The following GALNT7 variants were observed in gnomAD, a reference collection of about 807,000 sequenced individuals.
The protein encoded by GALNT7 is polypeptide N-acetylgalactosaminyltransferase 7.
Under a neutral mutation model 82.1 loss-of-function variants are expected in GALNT7, and 60 were observed. The ratio of observed to expected loss-of-function variants is 0.73; its 90% CI spans 0.59 to 0.91. The LOEUF (loss-of-function observed/expected upper bound fraction) is 0.91. Among genes scored for constraint, GALNT7 ranks in the 40% least tolerant of loss-of-function variants. The pLI is 0.00. For missense variants in GALNT7, 660 were observed against 804.2 expected, an observed-to-expected ratio of 0.82 and a Z score of 2.17; for synonymous variants, 243 against 275.1, an observed-to-expected ratio of 0.88 and a Z score of 1.15.
rs1418388824 is a variant in GALNT7 at position 173,314,007 on chromosome 4, T to A, written c.1439T>A (p.Phe480Tyr). ...EVWWDEYKDYFYASRPESQAL... is the reference protein window; with the variant it reads ...EVWWDEYKDYYYASRPESQAL... Reference sequence around the variant, plus strand: ...TGGTGGGATGAATATAAAGACTACTTCTATGCTAGTCGTCCTGAATCGCAG... The same window carrying A: ...TGGTGGGATGAATATAAAGACTACTACTATGCTAGTCGTCCTGAATCGCAG... Residue 480 changes from phenylalanine to tyrosine, a missense_variant, in exon 9 of 12, where the codon TTC becomes TAC. By Grantham distance (22) the Phe-to-Tyr change is conservative. Around this residue, in one of 2 missense-constraint regions of GALNT7, gnomAD observed 527 missense variants for 683.5 expected, o/e 0.77. Transcript: ENST00000265000. The A allele has an allele frequency of 1.2e-6, 2 of 1,609,596 alleles. No homozygotes were observed. Among genetic ancestry groups the A allele is most frequent in the Non-Finnish European group, 1.7e-6 (2 of 1,176,006 alleles).
chr4:173,288,699 T>G (rs1356929260), intron 2 of GALNT7, among the ~76,000 whole-genome samples: 1 of 152,020 alleles, frequency 6.6e-6, no homozygotes, highest in African/African-American at 2.4e-5. Context: ...ACAATCCAAA[T>G]GGAGAGGGAA....
intron 11 of GALNT7, 93 bp from the exon 12 acceptor site, chr4:173,321,487 A>C (rs985384692): frequency 1.2e-6 from 1 of 856,372 alleles, no homozygotes; most frequent in African/African-American, 1.7e-5. Flanking sequence ...CCATTTCCTT[A>C]AACTGTCTCC....
At chr4:173,299,596 C>G (rs554650644) in intron 6 of GALNT7, among the ~76,000 whole-genome samples, 1 of 152,264 alleles carries the variant, frequency 6.6e-6, no homozygotes, top group East Asian at 1.9e-4. Context: ...CCTGTAATCC[C>G]AGCACTTTGG....
chr4:173,290,759 C>A (rs1474907957), intron 2 of GALNT7, among the ~76,000 whole-genome samples: 3 of 152,132 alleles, frequency 2.0e-5, no homozygotes, highest in Admixed American at 6.5e-5. Context: ...TGGCACACAA[C>A]CTGGTTTACA....
intron 1 of GALNT7, among the ~76,000 whole-genome samples, chr4:173,238,449 A>G (rs1303829155): frequency 6.6e-6 from 1 of 152,226 alleles, no homozygotes; most frequent in Admixed American, 6.5e-5. Context: ...TCTAAAAAGT[A>G]TAATTATCAG....
intron 1 of GALNT7, among the ~76,000 whole-genome samples, chr4:173,186,158 T>G (rs1732454571): frequency 6.6e-6 from 1 of 152,216 alleles, no homozygotes; most frequent in African/African-American, 2.4e-5. Context: ...AAAAAAAAAT[T>G]GCGTTGATAA....
intron 3 of GALNT7, 21 bp from the exon 4 acceptor site, chr4:173,295,375 T>C (rs73872540): frequency 6.8e-7 from 1 of 1,479,684 alleles, no homozygotes; most frequent in Non-Finnish European, 9.4e-7. Context: ...ATTTATAATA[T>C]CGATTGATTT....
intron 2 of GALNT7, among the ~76,000 whole-genome samples, chr4:173,278,748 T>C (rs1172167316): frequency 2.0e-5 from 3 of 152,220 alleles, no homozygotes; most frequent in Admixed American, 1.3e-4. Flanking sequence ...AGGAATTATA[T>C]CCAGACTAAG....
Position 173,302,068 on chromosome 4 carries a change from A to G in GALNT7, c.1170A>G (p.Gly390=), listed in dbSNP as rs757406835. 6.4e-7 allele frequency: 1 copy of G among 1,571,702 alleles called. No homozygotes were observed. Among genetic ancestry groups the G allele is most frequent in the African/African-American group, 1.4e-5 (1 of 74,008 alleles). The change falls in exon 7 of 12, where the codon GGA becomes GGG. Residue 390 remains glycine (G), a synonymous_variant. Transcript: ENST00000265000. This position sits in a 1 kb window ranked among gnomAD's most constrained non-coding sequence, Gnocchi z 4.2. ...EPYRSPAMAG[G]LFAIEREFFF... ...TTAGGTCCCCAGCCATGGCTGGGGG[A>G]TTATTTGCCATTGAACGAGAGTTCT...
At chr4:173,192,491 C>G (rs1214889520) in intron 1 of GALNT7, among the ~76,000 whole-genome samples, 3 of 152,168 alleles carry the variant, frequency 2.0e-5, no homozygotes, top group Non-Finnish European at 4.4e-5. Context: ...ATCCTCCCTA[C>G]TTCTGAAAGG....
At position 173,297,976 on chromosome 4, in the gene GALNT7, C is replaced by T. The variant is rs1406610771; in HGVS notation, c.966-139C>T. ...AAGAAAACATAAAACTGAACCTTAT[C>T]GGTAAAGACTATTACTTTATTTTCT... On this transcript the variant is annotated intron_variant, in intron 5 of 11. Transcript: ENST00000265000. 21 of 1,484,150 alleles carry T rather than the reference C, an allele frequency of 1.4e-5. 1 individual carries two copies. The highest frequency in any genetic ancestry group is 2.8e-5 in the South Asian group (2 of 72,652). The allele number at this position is 1,484,150 out of a possible 1,614,324, so 91.9% of individuals were successfully genotyped here.
chr4:173,255,609 C>CT (rs1489015504), intron 2 of GALNT7, among the ~76,000 whole-genome samples: 2 of 152,058 alleles, frequency 1.3e-5, no homozygotes, highest in African/African-American at 4.8e-5. Context: ...AACCTTGACT[C>CT]TTTTTTTCTC....
rs147943460 is a variant in GALNT7 at position 173,245,896 on chromosome 4, A to G, written c.127-2084A>G. On this transcript the variant is annotated intron_variant, in intron 1 of 11. Coordinates refer to ENST00000265000, the MANE Select transcript of GALNT7 (RefSeq NM_017423.3). ...CTACTCACTTACTCTGACCCTTAGT[A>G]TGGCTCACAGGTTAGGCTCAAGCTA... Among the ~76,000 whole-genome samples the G allele has an allele frequency of 3.9e-5, 6 of 152,300 alleles. No homozygotes were observed. In the East Asian group the frequency reaches 1.2e-3, roughly 29 times the overall value.
intron 1 of GALNT7, among the ~76,000 whole-genome samples, chr4:173,223,040 C>T (rs1173241581): frequency 6.6e-6 from 1 of 152,110 alleles, no homozygotes; most frequent in East Asian, 1.9e-4. Context: ...TCATCCTAGC[C>T]TCAGCACTTC....
chr4:173,174,593 G>GT (rs1473541752), intron 1 of GALNT7, among the ~76,000 whole-genome samples: 1 of 152,150 alleles, frequency 6.6e-6, no homozygotes, highest in Non-Finnish European at 1.5e-5. Context: ...CATCAGCCCT[G>GT]TTACCACCTG....
At chr4:173,268,448 C>G (rs1735587218) in intron 2 of GALNT7, among the ~76,000 whole-genome samples, 1 of 140,838 alleles carries the variant, frequency 7.1e-6, no homozygotes, top group African/African-American at 2.6e-5. Context: ...TTTTAAACAG[C>G]AAAATTACCA....
chr4:173,295,377 G>T lies in GALNT7; in HGVS notation c.755-19G>T. 6.7e-7 allele frequency: 1 copy of T among 1,495,378 alleles called. No homozygotes were observed. The highest frequency in any genetic ancestry group is 1.1e-5 in the South Asian group (1 of 87,232). The allele number at this position is 1,495,378 out of a possible 1,614,324, so 92.6% of individuals were successfully genotyped here. ...TTCTATTCGTCTAATTTATAATATC[G>T]ATTGATTTTTCTTAACAGAACACTT... On this transcript the variant is annotated intron_variant, in intron 3 of 11. Coordinates refer to ENST00000265000, the MANE Select transcript of GALNT7 (RefSeq NM_017423.3).
intron 1 of GALNT7, among the ~76,000 whole-genome samples, chr4:173,186,827 G>A (rs2126636183): frequency 6.6e-6 from 1 of 151,704 alleles, no homozygotes; most frequent in South Asian, 2.1e-4. Context: ...AGGCTGGAGT[G>A]CTGTGGTGCA....
chr4:173,312,659 A>G (rs1015651713), intron 8 of GALNT7, among the ~76,000 whole-genome samples: 8 of 152,252 alleles, frequency 5.3e-5, no homozygotes, highest in Non-Finnish European at 5.9e-5. Context: ...GGTCACATAT[A>G]TTCATGCAAC....
Sources: gnomAD v4.1 joint callset for allele counts (sites outside exome capture counted in the v4.1 genomes callset) on GRCh38, gnomAD v4.1.1 for gene constraint, gnomAD v4.1.1 regional missense constraint, Gnocchi (gnomAD v3.1) non-coding constraint, MANE v1.5 for transcripts, NCBI Gene and HGNC (gene_info 2026-07-23, HGNC 2026-07-21) for gene names.